The following CSMD1 variants were observed in gnomAD, a reference collection of about 807,000 sequenced individuals.
CSMD1 encodes CUB and sushi domain-containing protein 1.
CSMD1 carries 213 observed loss-of-function variants against 417.5 expected under a neutral mutation model. That is an observed-to-expected ratio of 0.51 (90% confidence interval 0.46 to 0.57). The LOEUF (loss-of-function observed/expected upper bound fraction) is 0.57, where lower values mean the gene tolerates loss of function less well. CSMD1 is among the 20% of genes least tolerant of loss of function. CSMD1 has a pLI of 0.00. For synonymous variants in CSMD1, 2,862 were observed against 1,736.8 expected, an observed-to-expected ratio of 1.65 and a Z score of -16.11; for missense variants, 6,923 against 4,529.7, an observed-to-expected ratio of 1.53 and a Z score of -15.17.
chr8:4,379,166 T>G (rs1046322152), intron 3 of CSMD1, among the ~76,000 whole-genome samples: 2 of 152,286 alleles, frequency 1.3e-5, no homozygotes, highest in Non-Finnish European at 2.9e-5. Context: ...ACACTGGAAA[T>G]GGCTGATTTA....
At chr8:4,934,050 G>T (rs1034829258) in intron 1 of CSMD1, among the ~76,000 whole-genome samples, 1 of 151,958 alleles carries the variant, frequency 6.6e-6, no homozygotes, top group South Asian at 2.1e-4. Flanking sequence ...ATGTGTTCTA[G>T]CATGAATGCA....
intron 6 of CSMD1, among the ~76,000 whole-genome samples, chr8:3,740,720 G>C (rs543756353): frequency 3.0e-4 from 46 of 152,322 alleles, no homozygotes; most frequent in Non-Finnish European, 5.1e-4. Flanking sequence ...CAAACGAAGA[G>C]TCTAAAAGAC....
chr8:3,635,439 G>T (rs1426454050), intron 7 of CSMD1, among the ~76,000 whole-genome samples: 1 of 150,968 alleles, frequency 6.6e-6, no homozygotes, highest in Non-Finnish European at 1.5e-5. Context: ...AGCCGAGAGT[G>T]CACCACTACA....
At chr8:3,742,554 G>A (rs1291386367) in intron 6 of CSMD1, among the ~76,000 whole-genome samples, 1 of 152,154 alleles carries the variant, frequency 6.6e-6, no homozygotes, top group African/African-American at 2.4e-5. Flanking sequence ...TGTGGACATG[G>A]TGAAGAAAGT....
At chr8:3,036,593 C>T (rs1438256974) in intron 50 of CSMD1, among the ~76,000 whole-genome samples, 3 of 152,134 alleles carry the variant, frequency 2.0e-5, no homozygotes, top group Non-Finnish European at 4.4e-5. Flanking sequence ...AAAACCTGTG[C>T]TTACTGGACA....
At chr8:3,314,497 T>C (rs1443317779) in intron 23 of CSMD1, among the ~76,000 whole-genome samples, 1 of 152,182 alleles carries the variant, frequency 6.6e-6, no homozygotes, top group Non-Finnish European at 1.5e-5. Flanking sequence ...CTCTAGAAAC[T>C]TTAAAAAAGA....
chr8:3,607,576 G>C (rs150532928), intron 8 of CSMD1, among the ~76,000 whole-genome samples: 1 of 152,306 alleles, frequency 6.6e-6, no homozygotes, highest in Non-Finnish European at 1.5e-5. Context: ...GGAGGGAGCA[G>C]AGCTAGGAGA....
chr8:4,322,893 G>A, intron 3 of CSMD1, among the ~76,000 whole-genome samples: 1 of 152,188 alleles, frequency 6.6e-6, no homozygotes. Flanking sequence ...GCTGAGGCAG[G>A]AGAATCGCTT....
At chr8:4,592,639 G>C (rs1039747538) in intron 2 of CSMD1, among the ~76,000 whole-genome samples, 1 of 152,058 alleles carries the variant, frequency 6.6e-6, no homozygotes, top group Non-Finnish European at 1.5e-5. Flanking sequence ...CGCCTGTCTT[G>C]GCCTCCCAAA....
chr8:3,671,000 GTATGGGATATATATGTATATGGGATA>G (rs1798993476), intron 7 of CSMD1, among the ~76,000 whole-genome samples: 1 of 109,428 alleles, frequency 9.1e-6, no homozygotes, highest in Non-Finnish European at 1.9e-5. Context: ...GGATATATAT[GTATGGGATATATATGTATATGGGATA>G]TATGCATATG....
chr8:3,786,709 T>C (rs1197341375), intron 5 of CSMD1, among the ~76,000 whole-genome samples: 1 of 152,192 alleles, frequency 6.6e-6, no homozygotes, highest in Non-Finnish European at 1.5e-5. Context: ...TTTCTCACTG[T>C]CTAGAGGGTG....
chr8:3,837,469 G>A (rs190121537), intron 5 of CSMD1, among the ~76,000 whole-genome samples: 102 of 152,150 alleles, frequency 6.7e-4, no homozygotes, highest in Middle Eastern at 6.8e-3. Flanking sequence ...GTCCTCCTGG[G>A]ACCTAATGCT....
chr8:4,312,138 A>T (rs1403705049), intron 3 of CSMD1, among the ~76,000 whole-genome samples: 1 of 151,944 alleles, frequency 6.6e-6, no homozygotes, highest in African/African-American at 2.4e-5. Flanking sequence ...ATCAAAATAT[A>T]TTATCTTTAC....
intron 36 of CSMD1, among the ~76,000 whole-genome samples, chr8:3,181,535 TTGACA>T: frequency 6.6e-6 from 1 of 152,310 alleles, no homozygotes; most frequent in African/African-American, 2.4e-5. Flanking sequence ...ATTTTTTTAC[TTGACA>T]TGAACAGAGA....
chr8:4,502,232 C>A (rs1030363782), intron 2 of CSMD1, among the ~76,000 whole-genome samples: 1 of 152,022 alleles, frequency 6.6e-6, no homozygotes, highest in Non-Finnish European at 1.5e-5. Context: ...ATGAGCAGAA[C>A]GTAGAACTAG....
At chr8:3,539,361 C>T (rs533148751) in intron 10 of CSMD1, among the ~76,000 whole-genome samples, 2 of 152,308 alleles carry the variant, frequency 1.3e-5, no homozygotes, top group South Asian at 4.1e-4. Context: ...TTCTGGGCAA[C>T]ACCTTTACTA....
At position 4,415,444 on chromosome 8, in the gene CSMD1, C is replaced by G. The variant is rs1024296551; in HGVS notation, c.415+4509G>C. ...TTAGCGCACGTGCTTTAATAACACG[C>G]TCTTCAGGTCGTGGCCTGAGCCCAC... On this transcript the variant is annotated intron_variant, in intron 3 of 69. Coordinates refer to ENST00000635120, the MANE Select transcript of CSMD1 (RefSeq NM_033225.6). 2.0e-5 allele frequency among the ~76,000 whole-genome samples: 3 copies of G among 149,578 alleles called. No homozygotes were observed. The East Asian group carries it at 6.1e-4, about 30-fold the overall frequency.
At chr8:4,276,728 A>T (rs1007427311) in intron 3 of CSMD1, among the ~76,000 whole-genome samples, 3 of 152,236 alleles carry the variant, frequency 2.0e-5, no homozygotes, top group Non-Finnish European at 2.9e-5. Context: ...AATAAATAAA[A>T]GGAAATGTAT....
intron 3 of CSMD1, among the ~76,000 whole-genome samples, chr8:4,120,051 G>C (rs370848194): frequency 6.6e-6 from 1 of 152,144 alleles, no homozygotes; most frequent in East Asian, 1.9e-4. Flanking sequence ...AAAAATAACA[G>C]AGTATAATTG....
Sources: allele counts gnomAD v4.1 joint callset (sites outside exome capture counted in the v4.1 genomes callset), GRCh38; gene constraint gnomAD v4.1.1; transcripts MANE v1.5; gene names NCBI Gene and HGNC (gene_info 2026-07-23, HGNC 2026-07-21).